HMGB1: variants seen among roughly 807,000 people sequenced by gnomAD.
The protein encoded by HMGB1 is high mobility group protein B1.
For missense variants in HMGB1, 79 were observed against 253.5 expected (o/e 0.31, Z 4.67); for synonymous variants, 81 against 84.0 (o/e 0.96, Z 0.19).
At chr13:30,586,612 C>T (rs1051539014) in intron 1 of HMGB1, among the ~76,000 whole-genome samples, 4 of 151,300 alleles carry the variant, frequency 2.6e-5, no homozygotes, top group African/African-American at 9.7e-5. Flanking sequence ...CTCAGTCTCC[C>T]GAGTACTGGG....
At chr13:30,549,661 C>CCGAAGCTT (rs1869331466) in intron 1 of HMGB1, among the ~76,000 whole-genome samples, 1 of 151,826 alleles carries the variant, frequency 6.6e-6, no homozygotes, top group African/African-American at 2.4e-5. Flanking sequence ...TCCCAAAGTA[C>CCGAAGCTT]TGGGATTACG....
intron 1 of HMGB1, among the ~76,000 whole-genome samples, chr13:30,500,641 A>G (rs1887714465): frequency 6.6e-6 from 1 of 151,046 alleles, no homozygotes; most frequent in African/African-American, 2.5e-5. Context: ...TCCTGGGTTC[A>G]AGCGATTCTC....
chr13:30,517,788 G>A (rs554674944), intron 1 of HMGB1, among the ~76,000 whole-genome samples: 3 of 152,080 alleles, frequency 2.0e-5, no homozygotes, highest in East Asian at 1.9e-4. Flanking sequence ...TTCTCTCCAC[G>A]GGTATTTCAG....
rs75575230 is a variant in HMGB1, at chr13:30,567,299, C to T, written c.-15+49372G>A. On this transcript the variant is annotated intron_variant, in intron 1 of 4. Coordinates refer to the HMGB1 transcript ENST00000405805. Reference sequence around the variant, plus strand: ...AAACCAAAAATGTCCAGAATATAACCTTATTTTAAAACTTGTTAACCACTG... The same window carrying T: ...AAACCAAAAATGTCCAGAATATAACTTTATTTTAAAACTTGTTAACCACTG... Among the ~76,000 whole-genome samples the T allele has an allele frequency of 2.5e-4, 38 of 151,642 alleles. No individual in the cohort carries two copies. The East Asian group carries it at 7.1e-3, about 29-fold the overall frequency.
intron 1 of HMGB1, among the ~76,000 whole-genome samples, chr13:30,483,527 A>G (rs1411395691): frequency 6.6e-6 from 1 of 152,098 alleles, no homozygotes; most frequent in Non-Finnish European, 1.5e-5. Context: ...GACGTTTCTA[A>G]GGTAAATTAT....
intron 1 of HMGB1, among the ~76,000 whole-genome samples, chr13:30,480,621 G>A (rs1374105601): frequency 6.6e-6 from 1 of 152,118 alleles, no homozygotes; most frequent in African/African-American, 2.4e-5. Context: ...GGGTGAAGCT[G>A]GTAGAACTCA....
At chr13:30,554,383 A>G (rs1449092423) in intron 1 of HMGB1, 1 of 836,096 alleles carries the variant, frequency 1.2e-6, no homozygotes, top group African/African-American at 1.7e-5. Flanking sequence ...TGATGGGAAA[A>G]GGAGATTATA....
intron 1 of HMGB1, among the ~76,000 whole-genome samples, chr13:30,534,440 AT>A (rs11342666): frequency 0.37 from 56,236 of 151,266 alleles, 10,492 homozygotes; most frequent in Middle Eastern, 0.53. Context: ...TAAAATGGTC[AT>A]TTTTTTTTCC....
At chr13:30,537,690 TATATATAA>T (rs1868517694) in intron 1 of HMGB1, among the ~76,000 whole-genome samples, 2 of 121,178 alleles carry the variant, frequency 1.7e-5, no homozygotes, top group African/African-American at 3.5e-5. Flanking sequence ...TATATATATA[TATATATAA>T]AATTGATGTA....
At chr13:30,503,785 C>T (rs189824708) in intron 1 of HMGB1, among the ~76,000 whole-genome samples, 9 of 151,626 alleles carry the variant, frequency 5.9e-5, no homozygotes, top group African/African-American at 9.7e-5. Context: ...TGGGTGATAC[C>T]GTAGTGTCTG....
At chr13:30,546,117 G>A (rs1016135118) in intron 1 of HMGB1, among the ~76,000 whole-genome samples, 5 of 152,004 alleles carry the variant, frequency 3.3e-5, no homozygotes, top group Non-Finnish European at 7.4e-5. Context: ...TAAACCTCAC[G>A]TTTTGTTTGT....
exon 1 of HMGB1, chr13:30,616,694 C>T (rs1291671064): frequency 1.3e-5 from 2 of 152,118 alleles, no homozygotes; most frequent in Non-Finnish European, 2.9e-5. Flanking sequence ...TCTGGAGAAA[C>T]CCCAACAAAC....
At chr13:30,521,230 T>A (rs58777834) in intron 1 of HMGB1, among the ~76,000 whole-genome samples, 22,583 of 152,132 alleles carry the variant, frequency 0.15, 1,897 homozygotes, top group East Asian at 0.28. Flanking sequence ...TTTATTGAAA[T>A]GAAATTCACA....
intron 1 of HMGB1, among the ~76,000 whole-genome samples, chr13:30,471,363 T>C (rs1430713326): frequency 6.6e-6 from 1 of 152,176 alleles, no homozygotes; most frequent in Non-Finnish European, 1.5e-5. Context: ...TTTTTTGTTT[T>C]TGAGACGGGG....
chr13:30,549,315 T>C (rs1240830449), intron 1 of HMGB1, among the ~76,000 whole-genome samples: 1 of 152,108 alleles, frequency 6.6e-6, no homozygotes, highest in Non-Finnish European at 1.5e-5. Context: ...TCTGACCAGA[T>C]TGGGGCAGCA....
chr13:30,512,980 T>A (rs571694666), intron 1 of HMGB1, among the ~76,000 whole-genome samples: 2 of 152,264 alleles, frequency 1.3e-5, no homozygotes, highest in East Asian at 3.9e-4. Context: ...CTGGCCAACG[T>A]GGTGAAACCC....
chr13:30,491,229 C>T (rs1280562667), intron 1 of HMGB1, among the ~76,000 whole-genome samples: 2 of 152,014 alleles, frequency 1.3e-5, no homozygotes, highest in Non-Finnish European at 2.9e-5. Context: ...GGGGTTTCAC[C>T]ATGTTAGCCA....
chr13:30,592,806 T>C (rs999630679), intron 1 of HMGB1, among the ~76,000 whole-genome samples: 6 of 151,838 alleles, frequency 4.0e-5, no homozygotes, highest in African/African-American at 1.5e-4. Context: ...ATAATTTTAC[T>C]ATTTACCTGT....
intron 1 of HMGB1, among the ~76,000 whole-genome samples, chr13:30,505,382 G>A (rs570413694): frequency 2.0e-5 from 3 of 151,774 alleles, no homozygotes; most frequent in African/African-American, 7.3e-5. Context: ...GTTTCACCGT[G>A]TTAGCCAGGA....
Sources: gnomAD v4.1 joint callset for allele counts (sites outside exome capture counted in the v4.1 genomes callset) on GRCh38, gnomAD v4.1.1 for gene constraint, MANE v1.5 for transcripts, NCBI Gene and HGNC (gene_info 2026-07-23, HGNC 2026-07-21) for gene names.